The following DOCK4 variants were observed in gnomAD, a reference collection of about 807,000 sequenced individuals.
DOCK4 encodes dedicator of cytokinesis 4, also known as dedicator of cytokinesis protein 4.
A neutral mutation model predicts 268.1 loss-of-function variants in DOCK4; 97 were observed. The observed-to-expected ratio is 0.36, with a 90% CI of 0.31 to 0.43. The LOEUF (loss-of-function observed/expected upper bound fraction) is 0.43. Among genes scored for constraint, DOCK4 ranks in the 20% least tolerant of loss-of-function variants. The probability of loss-of-function intolerance (pLI) is 1.00; values close to 1 mark genes in which losing one functional copy is unlikely to be tolerated. For synonymous variants in DOCK4, 954 were observed against 887.2 expected (o/e 1.08, Z -1.34); for missense variants, 2,145 against 2,455.7 (o/e 0.87, Z 2.67).
intron 8 of DOCK4, among the ~76,000 whole-genome samples, chr7:111,974,216 C>T (rs1449075511): frequency 6.6e-6 from 1 of 152,076 alleles, no homozygotes; most frequent in Non-Finnish European, 1.5e-5. Flanking sequence ...ACCAAACTGA[C>T]TCATTACAAG....
chr7:112,188,842 A>C (rs1033543627), intron 1 of DOCK4, among the ~76,000 whole-genome samples: 2 of 152,242 alleles, frequency 1.3e-5, no homozygotes, highest in African/African-American at 4.8e-5. Context: ...TAAAAGCAGC[A>C]TTTTATCCTA....
At chr7:111,994,815 T>C (rs1379462516) in intron 4 of DOCK4, among the ~76,000 whole-genome samples, 1 of 152,200 alleles carries the variant, frequency 6.6e-6, no homozygotes, top group Non-Finnish European at 1.5e-5. Flanking sequence ...AATGTTATCA[T>C]ACAGCATAGA....
At chr7:111,851,521 TTC>T (rs1804554889) in intron 23 of DOCK4, among the ~76,000 whole-genome samples, 1 of 152,058 alleles carries the variant, frequency 6.6e-6, no homozygotes, top group African/African-American at 2.4e-5. Flanking sequence ...AGATACAGAT[TTC>T]TTAAACAGGT....
At chr7:111,940,042 T>A (rs774093391) in intron 11 of DOCK4, 68 bp downstream of exon 11, 359 of 1,533,922 alleles carry the variant, frequency 2.3e-4, no homozygotes, top group Non-Finnish European at 3.1e-4. Flanking sequence ...TAAAGTAGCA[T>A]TCGCCCAAGT....
At chr7:112,007,754 C>T (rs138674194) in intron 1 of DOCK4, among the ~76,000 whole-genome samples, 2 of 152,272 alleles carry the variant, frequency 1.3e-5, no homozygotes, top group African/African-American at 2.4e-5. Context: ...GATACCCATA[C>T]ACCACGTATG....
chr7:111,988,353 G>A (rs941300277), intron 6 of DOCK4, among the ~76,000 whole-genome samples: 4 of 152,130 alleles, frequency 2.6e-5, no homozygotes, highest in East Asian at 1.9e-4. Context: ...TAATATTCAC[G>A]TTTAGTAAAA....
intron 8 of DOCK4, among the ~76,000 whole-genome samples, chr7:111,970,767 A>T (rs1344908221): frequency 1.3e-5 from 2 of 152,204 alleles, no homozygotes; most frequent in African/African-American, 4.8e-5. Flanking sequence ...GTGATGTGAC[A>T]TAAACAAGTG....
intron 1 of DOCK4, among the ~76,000 whole-genome samples, chr7:112,104,111 G>A (rs547016418): frequency 6.6e-6 from 1 of 152,220 alleles, no homozygotes; most frequent in African/African-American, 2.4e-5. Context: ...CCCTGCTGAG[G>A]ACCAGTGTTT....
In DOCK4 at chr7:111,755,499, A is replaced by T. The variant is rs746595580; in HGVS notation, c.4416+16T>A. ...CTGTGATGAGAAAGTGCTTGAGAAC[A>T]AGCTCTGATCCTTACCACTTCACGC... On this transcript the variant is annotated intron_variant, in intron 42 of 52. Transcript: ENST00000428084. 6.2e-7 allele frequency: 1 copy of T among 1,613,310 alleles called. No homozygotes were observed. The highest frequency in any genetic ancestry group is 8.5e-7 in the Non-Finnish European group (1 of 1,179,282).
chr7:112,046,364 G>A (rs1165120230), intron 1 of DOCK4, among the ~76,000 whole-genome samples: 1 of 152,012 alleles, frequency 6.6e-6, no homozygotes, highest in Non-Finnish European at 1.5e-5. Flanking sequence ...AATAGATTTA[G>A]GACAACTGTA....
intron 1 of DOCK4, among the ~76,000 whole-genome samples, chr7:112,153,174 G>A (rs1260460115): frequency 1.3e-5 from 2 of 152,140 alleles, no homozygotes; most frequent in Non-Finnish European, 2.9e-5. Context: ...CTACCATGAT[G>A]TACTGACTTG....
chr7:112,154,600 T>G (rs772396890), intron 1 of DOCK4, among the ~76,000 whole-genome samples: 1 of 152,140 alleles, frequency 6.6e-6, no homozygotes, highest in African/African-American at 2.4e-5. Flanking sequence ...CTACAATATA[T>G]CAAGACAACT....
chr7:111,959,083 G>A (rs948148836), intron 8 of DOCK4, among the ~76,000 whole-genome samples: 3 of 152,120 alleles, frequency 2.0e-5, no homozygotes, highest in Admixed American at 1.3e-4. Flanking sequence ...AAGAGGGAGG[G>A]CAGAAAGCAG....
intron 17 of DOCK4, among the ~76,000 whole-genome samples, chr7:111,873,694 A>C (rs1395611622): frequency 1.3e-5 from 2 of 152,206 alleles, no homozygotes; most frequent in African/African-American, 2.4e-5. Context: ...AACACCAGTG[A>C]GAAAAAGCAT....
At chr7:112,179,201 A>C (rs1012184462) in intron 1 of DOCK4, among the ~76,000 whole-genome samples, 1 of 152,178 alleles carries the variant, frequency 6.6e-6, no homozygotes, top group Non-Finnish European at 1.5e-5. Flanking sequence ...AGCCTGGGCA[A>C]CATAGGGAGA....
intron 7 of DOCK4, among the ~76,000 whole-genome samples, chr7:111,983,862 GCACACA>G (rs1554402961): frequency 7.2e-6 from 1 of 138,562 alleles, no homozygotes; most frequent in Non-Finnish European, 1.5e-5. Context: ...GCGCGCGCGC[GCACACA>G]CACACACACA....
At chr7:112,130,113 T>C (rs753848113) in intron 1 of DOCK4, among the ~76,000 whole-genome samples, 2 of 152,220 alleles carry the variant, frequency 1.3e-5, no homozygotes, top group Non-Finnish European at 2.9e-5. Flanking sequence ...CGAGTTTGAA[T>C]GTTGGGTAAG....
chr7:112,149,163 C>T (rs1472055294), intron 1 of DOCK4, among the ~76,000 whole-genome samples: 1 of 152,128 alleles, frequency 6.6e-6, no homozygotes, highest in African/African-American at 2.4e-5. Flanking sequence ...TTCATTAATG[C>T]CTATGGCATA....
intron 16 of DOCK4, among the ~76,000 whole-genome samples, chr7:111,893,198 A>T (rs1045689180): frequency 2.6e-5 from 4 of 152,174 alleles, no homozygotes; most frequent in African/African-American, 9.7e-5. Context: ...CTAGGAATTA[A>T]TACCTGTTTG....
Sources: gnomAD v4.1 joint callset for allele counts (sites outside exome capture counted in the v4.1 genomes callset) on GRCh38, gnomAD v4.1.1 for gene constraint, MANE v1.5 for transcripts, NCBI Gene and HGNC (gene_info 2026-07-23, HGNC 2026-07-21) for gene names.